The following TMEM154 variants were observed in gnomAD, a reference collection of about 807,000 sequenced individuals.
TMEM154 encodes the protein transmembrane protein 154.
TMEM154 carries 27 observed loss-of-function variants against 24.5 expected under a neutral mutation model. That is an observed-to-expected ratio of 1.10 (90% CI 0.81 to 1.52). The LOEUF is 1.52. TMEM154 is among the 40% of genes most tolerant of loss of function. The pLI, the probability that TMEM154 is intolerant of heterozygous loss-of-function variation, is 0.00. For synonymous variants in TMEM154, 67 were observed against 76.8 expected, an observed-to-expected ratio of 0.87 and a Z score of 0.67; for missense variants, 228 against 213.4, an observed-to-expected ratio of 1.07 and a Z score of -0.43.
chr4:152,628,565 T>TAAAACAAA lies in TMEM154; in HGVS notation c.537-5_537-4insTTTGTTTT. 1.9e-6 allele frequency: 1 copy of TAAAACAAA among 518,478 alleles called. No homozygotes were observed. 32.1% of individuals were successfully genotyped at this position (518,478 alleles called of 1,614,324 possible). On this transcript the variant is annotated splice_region_variant and splice_polypyrimidine_tract_variant and intron_variant, in intron 6 of 6. Transcript: ENST00000304385. ...TCAGGTTTAGGATTCACTGTCACTG[T>TAAAACAAA]AAAAAAAAAAAAAAAAAAAAAAAAA...
intron 1 of TMEM154, among the ~76,000 whole-genome samples, chr4:152,671,608 G>A (rs938801903): frequency 6.0e-5 from 9 of 150,018 alleles, no homozygotes; most frequent in Admixed American, 1.3e-4. Context: ...TTAGCCGGGC[G>A]TAGTGGCGGG....
intron 1 of TMEM154, among the ~76,000 whole-genome samples, chr4:152,664,012 C>T (rs1728667350): frequency 6.6e-6 from 1 of 152,212 alleles, no homozygotes; most frequent in South Asian, 2.1e-4. Flanking sequence ...ATGGAAATGA[C>T]TCTGCTTCTC....
At position 152,628,593 on chromosome 4, in the gene TMEM154, CAAAAA is replaced by C. The variant is rs531179875; in HGVS notation, c.537-37_537-33del. ...AAAAAAAAAAAAAAAAAAAAAAAAA[CAAAAA>C]AAACACACACACACACACAAAACAG... On this transcript the variant is annotated intron_variant, in intron 6 of 6. Coordinates refer to ENST00000304385, the MANE Select transcript of TMEM154 (RefSeq NM_152680.3). 96 of 450,362 alleles carry C rather than the reference CAAAAA, an allele frequency of 2.1e-4. 1 individual carries two copies. Among genetic ancestry groups the C allele is most frequent in the Middle Eastern group, 7.6e-4 (1 of 1,324 alleles). 27.9% of individuals were successfully genotyped at this position (450,362 alleles called of 1,614,324 possible).
chr4:152,647,212 C>T, intron 3 of TMEM154: 1 of 938,102 alleles, frequency 1.1e-6, no homozygotes, highest in Non-Finnish European at 1.2e-6. Flanking sequence ...AGTATGTCTG[C>T]TTCTAACTTC....
intron 6 of TMEM154, among the ~76,000 whole-genome samples, chr4:152,633,384 T>G (rs1261691290): frequency 6.6e-6 from 1 of 152,228 alleles, no homozygotes; most frequent in Non-Finnish European, 1.5e-5. Context: ...CACTTGTGCC[T>G]GGAGGCATTC....
chr4:152,660,487 C>T (rs774672680), intron 1 of TMEM154, among the ~76,000 whole-genome samples: 8 of 152,040 alleles, frequency 5.3e-5, no homozygotes, highest in Non-Finnish European at 8.8e-5. Context: ...TATGCTCTGC[C>T]TTGTACCCGG....
At position 152,643,111 on chromosome 4, in the gene TMEM154, C is replaced by T. The variant is rs547309624; in HGVS notation, c.455G>A (p.Trp152Ter). The change falls in exon 5 of 7, where the codon TGG becomes TAG. Residue 152 changes from tryptophan to a stop codon, truncating the protein, a stop_gained. Transcript: ENST00000304385. LOFTEE classifies it high-confidence loss of function. ...MEIEMEELDK[W>*]MNSMNRNADF... ...ACCATTTCTATTCATGCTGTTCATC[C>T]ATTTATCAAGCTCTTCCATTTCAAT... 11 of 1,613,024 alleles carry T rather than the reference C, an allele frequency of 6.8e-6. No homozygotes were observed. Among genetic ancestry groups the T allele is most frequent in the African/African-American group, 2.7e-5 (2 of 74,872 alleles).
chr4:152,651,685 CT>C (rs772552712), intron 3 of TMEM154, among the ~76,000 whole-genome samples: 16 of 152,216 alleles, frequency 1.1e-4, no homozygotes, highest in Non-Finnish European at 2.4e-4. Flanking sequence ...AATAATACTG[CT>C]TTGCTTTCCT....
intron 1 of TMEM154, among the ~76,000 whole-genome samples, chr4:152,661,975 G>T (rs1036336871): frequency 6.6e-6 from 1 of 152,110 alleles, no homozygotes; most frequent in African/African-American, 2.4e-5. Context: ...TATACTTTCT[G>T]CCCCTTGCTT....
rs1047575069 is a variant in TMEM154 at position 152,622,586 on chromosome 4, C to T, written c.*5960G>A. The T allele has an allele frequency of 7.9e-5, 12 of 151,894 alleles. No individual in the cohort carries two copies. The highest frequency in any genetic ancestry group is 2.9e-4 in the African/African-American group (12 of 41,348). 9.4% of individuals were successfully genotyped at this position (151,894 alleles called of 1,614,324 possible). ...TATTTTTAAATTTATAAATGTTTTT[C>T]AATCTATCACTGCCAAATGAGCAAT... On this transcript the variant is annotated 3_prime_UTR_variant, in exon 7 of 7. Coordinates refer to ENST00000304385, the MANE Select transcript of TMEM154 (RefSeq NM_152680.3).
rs1372427227 is a variant in TMEM154, at chr4:152,624,863, T to G, written c.*3683A>C. 3.9e-5 allele frequency: 6 copies of G among 152,252 alleles called. No individual in the cohort carries two copies. Among genetic ancestry groups the G allele is most frequent in the Admixed American group, 3.9e-4 (6 of 15,286 alleles). The allele number at this position is 152,252 out of a possible 1,614,324, so 9.4% of individuals were successfully genotyped here. On this transcript the variant is annotated 3_prime_UTR_variant, in exon 7 of 7. Coordinates refer to ENST00000304385, the MANE Select transcript of TMEM154 (RefSeq NM_152680.3). ...TGTGAAGTTGTTCTGGACTGCCTGTTATAGCTATTAAATGGAAACCCCAGA... is the reference window on the plus strand; with the variant it reads ...TGTGAAGTTGTTCTGGACTGCCTGTGATAGCTATTAAATGGAAACCCCAGA...
intron 1 of TMEM154, among the ~76,000 whole-genome samples, chr4:152,657,056 T>C: frequency 6.7e-6 from 1 of 149,254 alleles, no homozygotes; most frequent in East Asian, 2.0e-4. Context: ...GCTTCAACAA[T>C]AGACTAAATC....
chr4:152,676,600 TATA>T (rs1179958948), intron 1 of TMEM154, among the ~76,000 whole-genome samples: 1 of 152,232 alleles, frequency 6.6e-6, no homozygotes, highest in Non-Finnish European at 1.5e-5. Flanking sequence ...GTGCCTGACC[TATA>T]ATGAGTTCTA....
chr4:152,629,223 C>A (rs748937381), intron 6 of TMEM154, among the ~76,000 whole-genome samples: 1 of 152,234 alleles, frequency 6.6e-6, no homozygotes, highest in Non-Finnish European at 1.5e-5. Context: ...CCATTCTCTA[C>A]GAATACGTGC....
chr4:152,643,177 G>C lies in TMEM154; in HGVS notation c.393-4C>G. ...TGTATCTTCCTCAAAAATAGGGCTA[G>C]AAATAGAGAGCAAAAGACTTGTTAG... On this transcript the variant is annotated splice_polypyrimidine_tract_variant and splice_region_variant and intron_variant, in intron 4 of 6. Coordinates refer to ENST00000304385, the MANE Select transcript of TMEM154 (RefSeq NM_152680.3). The C allele has an allele frequency of 6.3e-7, 1 of 1,593,584 alleles. No homozygotes were observed. Among genetic ancestry groups the C allele is most frequent in the South Asian group, 1.1e-5 (1 of 87,942 alleles).
At chr4:152,635,918 G>A (rs1241677690) in intron 6 of TMEM154, among the ~76,000 whole-genome samples, 1 of 152,112 alleles carries the variant, frequency 6.6e-6, no homozygotes, top group African/African-American at 2.4e-5. Context: ...TCATCCCTGT[G>A]GTCAAGAGAT....
chr4:152,627,179 C>T lies in TMEM154; in HGVS notation c.*1367G>A, dbSNP rs1420742781. 2 of 152,052 alleles carry T rather than the reference C, an allele frequency of 1.3e-5. No individual in the cohort carries two copies. Among genetic ancestry groups the T allele is most frequent in the African/African-American group, 4.8e-5 (2 of 41,384 alleles). The allele number at this position is 152,052 out of a possible 1,614,324, so 9.4% of individuals were successfully genotyped here. ...AAGGCAAATACTTGTTAAAGGGATC[C>T]CAAAAGGTAGGAGACAAGTAGTTTT... On this transcript the variant is annotated 3_prime_UTR_variant, in exon 7 of 7. Transcript: ENST00000304385.
At chr4:152,638,378 T>C (rs35714915) in intron 6 of TMEM154, among the ~76,000 whole-genome samples, 8,748 of 152,332 alleles carry the variant, frequency 0.057, 293 homozygotes, top group Non-Finnish European at 0.076. Flanking sequence ...AGTCTCATAG[T>C]AGATCAAACA....
intron 1 of TMEM154, among the ~76,000 whole-genome samples, chr4:152,672,302 G>A (rs375288014): frequency 6.6e-6 from 1 of 152,016 alleles, no homozygotes; most frequent in African/African-American, 2.4e-5. Context: ...TAAGGAGTGA[G>A]AAAAGAAAAG....
Sources: gnomAD v4.1 joint callset for allele counts (sites outside exome capture counted in the v4.1 genomes callset) on GRCh38, gnomAD v4.1.1 for gene constraint, MANE v1.5 for transcripts, NCBI Gene and HGNC (gene_info 2026-07-23, HGNC 2026-07-21) for gene names.